Variants in GPC5 observed in about 807,000 individuals in gnomAD.
The protein encoded by GPC5 is glypican-5.
GPC5 carries 47 observed loss-of-function variants against 53.9 expected under a neutral mutation model. The observed-to-expected ratio is 0.87, with a 90% confidence interval of 0.69 to 1.11. The LOEUF is 1.11. Ranked by LOEUF, GPC5 falls within the 50% of genes most tolerant of loss-of-function variation. The probability of loss-of-function intolerance (pLI) is 0.00; values close to 1 mark genes in which losing one functional copy is unlikely to be tolerated. For missense variants in GPC5, 748 were observed against 713.1 expected, an observed-to-expected ratio of 1.05 and a Z score of -0.56; for synonymous variants, 286 against 263.3, an observed-to-expected ratio of 1.09 and a Z score of -0.84.
At chr13:91,437,378 G>C (rs1004128425) in intron 1 of GPC5, among the ~76,000 whole-genome samples, 14 of 152,116 alleles carry the variant, frequency 9.2e-5, no homozygotes, top group African/African-American at 3.4e-4. Context: ...TTTAGGGCAG[G>C]CCTGGTGGTG....
chr13:92,356,765 T>C (rs1328769318), intron 7 of GPC5, among the ~76,000 whole-genome samples: 5 of 152,190 alleles, frequency 3.3e-5, no homozygotes, highest in African/African-American at 9.7e-5. Flanking sequence ...GGTAAACTTG[T>C]AGATAAACTT....
chr13:92,047,424 T>C (rs770258428), intron 6 of GPC5, among the ~76,000 whole-genome samples: 2 of 103,788 alleles, frequency 1.9e-5, no homozygotes, highest in African/African-American at 5.7e-5. Flanking sequence ...TGACTTTCTT[T>C]TTAAACTATA....
intron 5 of GPC5, among the ~76,000 whole-genome samples, chr13:91,904,139 TC>T (rs2039528345): frequency 2.6e-5 from 3 of 117,152 alleles, no homozygotes; most frequent in Non-Finnish European, 5.1e-5. Context: ...TTCTTTTCTT[TC>T]TTTTTTTTTT....
At chr13:92,679,226 T>C (rs1682078464) in intron 7 of GPC5, among the ~76,000 whole-genome samples, 1 of 152,210 alleles carries the variant, frequency 6.6e-6, no homozygotes, top group Non-Finnish European at 1.5e-5. Flanking sequence ...CTAGATACTT[T>C]AACGTTTGGC....
At chr13:92,450,475 C>T (rs1878016593) in intron 7 of GPC5, among the ~76,000 whole-genome samples, 1 of 152,076 alleles carries the variant, frequency 6.6e-6, no homozygotes, top group Non-Finnish European at 1.5e-5. Context: ...GAATTTTTCA[C>T]TTGTGGCATC....
At position 91,833,973 on chromosome 13, in the gene GPC5, A is replaced by G. The variant is rs115064219; in HGVS notation, c.1281-73964A>G. 4.8e-3 allele frequency among the ~76,000 whole-genome samples: 734 copies of G among 152,270 alleles called. 3 individuals carry two copies. The highest frequency in any genetic ancestry group is 0.017 in the African/African-American group (691 of 41,564). On this transcript the variant is annotated intron_variant, in intron 5 of 7. Coordinates refer to ENST00000377067, the MANE Select transcript of GPC5 (RefSeq NM_004466.6). ...CAGATTGTCTCTGTTTGCAGATGTCATGAGTGTATATTTAAAAAACCCCAT... is the reference window on the plus strand; with the variant it reads ...CAGATTGTCTCTGTTTGCAGATGTCGTGAGTGTATATTTAAAAAACCCCAT...
intron 1 of GPC5, among the ~76,000 whole-genome samples, chr13:91,420,537 G>A (rs754019613): frequency 1.3e-4 from 20 of 151,968 alleles, no homozygotes; most frequent in Admixed American, 8.5e-4. Flanking sequence ...TCCTTTCTGC[G>A]ATTATTTTTC....
chr13:92,810,990 G>A (rs1399802671), intron 7 of GPC5, among the ~76,000 whole-genome samples: 2 of 151,946 alleles, frequency 1.3e-5, no homozygotes, highest in Non-Finnish European at 2.9e-5. Context: ...AAAGTGCTGG[G>A]ATTGCAGGAG....
intron 2 of GPC5, among the ~76,000 whole-genome samples, chr13:91,456,610 T>C (rs1014397384): frequency 1.3e-5 from 2 of 152,006 alleles, no homozygotes; most frequent in Non-Finnish European, 2.9e-5. Context: ...TGTGAAAATA[T>C]ATATCAAGGG....
At chr13:92,026,401 A>G (rs553211946) in intron 6 of GPC5, among the ~76,000 whole-genome samples, 1 of 151,728 alleles carries the variant, frequency 6.6e-6, no homozygotes, top group Admixed American at 6.6e-5. Context: ...ACTAAGGTAA[A>G]CATAGACCCT....
At chr13:91,780,579 C>T (rs565665706) in intron 5 of GPC5, among the ~76,000 whole-genome samples, 7 of 152,134 alleles carry the variant, frequency 4.6e-5, no homozygotes, top group African/African-American at 9.6e-5. Flanking sequence ...ATTGTTTCCC[C>T]AACAGATTGT....
chr13:91,864,893 TTTTC>T (rs1390852360), intron 5 of GPC5, among the ~76,000 whole-genome samples: 2 of 151,018 alleles, frequency 1.3e-5, no homozygotes, highest in East Asian at 2.0e-4. Flanking sequence ...TTTGTCTTAA[TTTTC>T]TTTCTTTTTT....
At chr13:91,989,527 T>A (rs1425643369) in intron 6 of GPC5, among the ~76,000 whole-genome samples, 2 of 152,226 alleles carry the variant, frequency 1.3e-5, no homozygotes, top group African/African-American at 4.8e-5. Flanking sequence ...TTTTAATGAA[T>A]GTATGGTTAT....
chr13:92,669,423 T>C (rs997306711), intron 7 of GPC5, among the ~76,000 whole-genome samples: 2 of 152,162 alleles, frequency 1.3e-5, no homozygotes, highest in African/African-American at 2.4e-5. Context: ...ACACTTACTT[T>C]CACAAATATG....
intron 7 of GPC5, among the ~76,000 whole-genome samples, chr13:92,555,510 A>T (rs941049487): frequency 4.6e-5 from 7 of 151,316 alleles, no homozygotes. Context: ...CTACTTAATT[A>T]AAAACAGAAC....
At chr13:91,448,179 G>A (rs372148860) in intron 1 of GPC5, among the ~76,000 whole-genome samples, 6 of 152,156 alleles carry the variant, frequency 3.9e-5, no homozygotes, top group East Asian at 1.9e-4. Flanking sequence ...ATTGTCTCTC[G>A]CCAGCTATAT....
At chr13:92,822,332 T>G (rs1877701882) in intron 7 of GPC5, among the ~76,000 whole-genome samples, 1 of 152,122 alleles carries the variant, frequency 6.6e-6, no homozygotes, top group Admixed American at 6.6e-5. Flanking sequence ...CAAAACTATT[T>G]CTAAACATTC....
chr13:92,751,608 GA>G (rs1313674473), intron 7 of GPC5, among the ~76,000 whole-genome samples: 6 of 127,840 alleles, frequency 4.7e-5, no homozygotes, highest in African/African-American at 1.4e-4. Context: ...GGGGTTGGGG[GA>G]GGGGGGAGGG....
At chr13:92,834,897 TC>T in intron 7 of GPC5, among the ~76,000 whole-genome samples, 1 of 152,098 alleles carries the variant, frequency 6.6e-6, no homozygotes, top group African/African-American at 2.4e-5. Context: ...CAGGGAATCT[TC>T]CTTGGCACAT....
Sources: gnomAD v4.1 joint callset for allele counts (sites outside exome capture counted in the v4.1 genomes callset) on GRCh38, gnomAD v4.1.1 for gene constraint, MANE v1.5 for transcripts, NCBI Gene and HGNC (gene_info 2026-07-23, HGNC 2026-07-21) for gene names.